The following OTOGL variants were observed in gnomAD, a reference collection of about 807,000 sequenced individuals.
OTOGL encodes the protein otogelin like.
A neutral mutation model predicts 318.5 loss-of-function variants in OTOGL; 285 were observed. That is an observed-to-expected ratio of 0.89 (90% CI 0.81 to 0.99). The LOEUF (loss-of-function observed/expected upper bound fraction) is 0.99. Ranked by LOEUF, OTOGL falls within the 50% of genes least tolerant of loss-of-function variation. The probability of loss-of-function intolerance (pLI) is 0.00; values close to 1 mark genes in which losing one functional copy is unlikely to be tolerated. For synonymous variants in OTOGL, 987 were observed against 936.5 expected, an observed-to-expected ratio of 1.05 and a Z score of -0.99; for missense variants, 2,899 against 2,845.6, an observed-to-expected ratio of 1.02 and a Z score of -0.43.
At chr12:80,307,783 C>T (rs1886279710) in intron 29 of OTOGL, among the ~76,000 whole-genome samples, 1 of 141,858 alleles carries the variant, frequency 7.0e-6, no homozygotes. Context: ...GCTGGCCGGG[C>T]AGAGGGGCTC....
At chr12:80,318,039 T>C (rs1339742557) in intron 32 of OTOGL, among the ~76,000 whole-genome samples, 1 of 152,154 alleles carries the variant, frequency 6.6e-6, no homozygotes, top group Non-Finnish European at 1.5e-5. Context: ...CCTCTCAGTC[T>C]TTTTGTTCTT....
At chr12:80,208,292 G>C (rs1876969672) in intron 1 of OTOGL, 1 of 489,938 alleles carries the variant, frequency 2.0e-6, no homozygotes, top group African/African-American at 2.0e-5. Flanking sequence ...ATGAATGTTG[G>C]ACCATGTAAC....
intron 1 of OTOGL, among the ~76,000 whole-genome samples, chr12:80,137,299 G>A (rs1871640922): frequency 1.3e-5 from 2 of 152,116 alleles, no homozygotes; most frequent in East Asian, 1.9e-4. Context: ...TGCTATTTTA[G>A]TGAATATTCA....
chr12:80,241,214 A>T (rs1166642481), intron 11 of OTOGL, among the ~76,000 whole-genome samples: 1 of 152,106 alleles, frequency 6.6e-6, no homozygotes, highest in Admixed American at 6.6e-5. Flanking sequence ...AACAAATGTA[A>T]TATTTTCCAG....
rs138572593 is a variant in OTOGL at position 80,254,512 on chromosome 12, A to G, written c.1395-12A>G. 506 of 1,595,856 alleles carry G rather than the reference A, an allele frequency of 3.2e-4. 2 individuals are homozygous for G. The African/African-American group carries it at 6.2e-3, about 20-fold the overall frequency. On this transcript the variant is annotated splice_polypyrimidine_tract_variant and intron_variant, in intron 14 of 58. Coordinates refer to ENST00000547103, the MANE Select transcript of OTOGL (RefSeq NM_001378609.3). The stretch of plus-strand genomic sequence containing the variant: ...TATGCCAATAGATTAATATTTTTAT[A>G]ATTTCTTTTAGTGTGTGTGTTGGTG...
At chr12:80,296,321 G>C (rs7137711) in intron 26 of OTOGL, among the ~76,000 whole-genome samples, 19,297 of 152,010 alleles carry the variant, frequency 0.13, 1,392 homozygotes, top group South Asian at 0.21. Flanking sequence ...GAACTAAATT[G>C]GATAATACAT....
intron 1 of OTOGL, among the ~76,000 whole-genome samples, chr12:80,186,401 C>T (rs893515148): frequency 4.6e-5 from 7 of 152,206 alleles, no homozygotes; most frequent in South Asian, 2.1e-4. Context: ...CATTACCTCT[C>T]GGATGTCTCT....
intron 1 of OTOGL, among the ~76,000 whole-genome samples, chr12:80,137,753 C>T (rs562716060): frequency 1.3e-5 from 2 of 152,208 alleles, no homozygotes; most frequent in East Asian, 1.9e-4. Context: ...TGTTCTGATG[C>T]CAGGGTAATT....
At chr12:80,344,537 T>A (rs1273696498) in intron 44 of OTOGL, among the ~76,000 whole-genome samples, 1 of 152,136 alleles carries the variant, frequency 6.6e-6, no homozygotes, top group East Asian at 1.9e-4. Flanking sequence ...TTAAAGTGTG[T>A]GGGTTTTGTT....
At chr12:80,366,510 GTT>G (rs1491525571) in intron 52 of OTOGL, 62 bp from the exon 53 acceptor site, 54 of 93,938 alleles carry the variant, frequency 5.7e-4, no homozygotes, top group Middle Eastern at 3.4e-3. Flanking sequence ...ATATATATAG[GTT>G]ATATATATAT....
intron 1 of OTOGL, among the ~76,000 whole-genome samples, chr12:80,104,577 T>G (rs1869340402): frequency 6.6e-6 from 1 of 151,924 alleles, no homozygotes; most frequent in Non-Finnish European, 1.5e-5. Context: ...TTCCTTATTT[T>G]CTCAAGAAGG....
intron 1 of OTOGL, chr12:80,103,398 G>T (rs1054342894): frequency 5.6e-5 from 44 of 787,990 alleles, no homozygotes; most frequent in Admixed American, 8.5e-5. Context: ...CATTCCTTTT[G>T]ACTGTGGCAT....
rs1037845205 is a variant in OTOGL at position 80,379,697 on chromosome 12, A to T, written c.*1649A>T. On this transcript the variant is annotated 3_prime_UTR_variant, in exon 59 of 59. Coordinates refer to ENST00000547103, the MANE Select transcript of OTOGL (RefSeq NM_001378609.3). ...TGTATATTATCTATTGCCCATTTTT[A>T]TTTCCATTTTCTGTAAAATATTCAT... 1 of 151,962 alleles carries T rather than the reference A, an allele frequency of 6.6e-6. No individual in the cohort carries two copies. The highest frequency in any genetic ancestry group is 1.5e-5 in the Non-Finnish European group (1 of 67,878). 9.4% of individuals were successfully genotyped at this position (151,962 alleles called of 1,614,324 possible).
At chr12:80,269,247 T>C (rs1205011769) in intron 22 of OTOGL, among the ~76,000 whole-genome samples, 1 of 152,192 alleles carries the variant, frequency 6.6e-6, no homozygotes, top group Non-Finnish European at 1.5e-5. Flanking sequence ...GGTCCAAAGC[T>C]GAAAGAAAAA....
At chr12:80,318,128 T>C (rs1887088460) in intron 32 of OTOGL, among the ~76,000 whole-genome samples, 1 of 152,122 alleles carries the variant, frequency 6.6e-6, no homozygotes, top group Non-Finnish European at 1.5e-5. Context: ...CCAATCCAAT[T>C]ATCCTTTCCC....
At chr12:80,358,627 A>T in intron 50 of OTOGL, 44 bp from the exon 51 acceptor site, 1 of 1,445,520 alleles carries the variant, frequency 6.9e-7, no homozygotes, top group Non-Finnish European at 9.6e-7. Flanking sequence ...GAGAAATGGC[A>T]ACTCTATAAA....
intron 1 of OTOGL, among the ~76,000 whole-genome samples, chr12:80,186,918 TC>T (rs1397570204): frequency 1.3e-5 from 2 of 152,088 alleles, no homozygotes; most frequent in East Asian, 3.9e-4. Flanking sequence ...TGGGTTAGAA[TC>T]CTCATGGAAA....
chr12:80,144,807 T>G (rs1592491055), intron 1 of OTOGL, among the ~76,000 whole-genome samples: 1 of 152,188 alleles, frequency 6.6e-6, no homozygotes, highest in African/African-American at 2.4e-5. Flanking sequence ...TGATGGCCAG[T>G]GATGATGAGC....
At chr12:80,194,526 C>CA (rs759521131) in intron 1 of OTOGL, among the ~76,000 whole-genome samples, 17 of 152,052 alleles carry the variant, frequency 1.1e-4, no homozygotes, top group Non-Finnish European at 2.1e-4. Flanking sequence ...ATCCCATAAC[C>CA]AAAAACATAA....
Sources: gnomAD v4.1 joint callset for allele counts (sites outside exome capture counted in the v4.1 genomes callset) on GRCh38, gnomAD v4.1.1 for gene constraint, MANE v1.5 for transcripts, NCBI Gene and HGNC (gene_info 2026-07-23, HGNC 2026-07-21) for gene names.